Variants in ANO3 observed in about 807,000 individuals in gnomAD.
The protein encoded by ANO3 is anoctamin 3.
In ANO3, 99 loss-of-function variants were observed where a neutral mutation model predicts 144.8. That is an observed-to-expected ratio of 0.68 (90% CI 0.58 to 0.81). The LOEUF (loss-of-function observed/expected upper bound fraction) is 0.81. ANO3 is among the 30% of genes least tolerant of loss of function. ANO3 has a pLI of 0.00. For synonymous variants in ANO3, 414 were observed against 392.6 expected (o/e 1.05, Z -0.64); for missense variants, 905 against 1,202.2 (o/e 0.75, Z 3.66).
chr11:26,539,050 A>G (rs369419), intron 10 of ANO3, among the ~76,000 whole-genome samples: 2,778 of 152,034 alleles, frequency 0.018, 81 homozygotes, highest in African/African-American at 0.063. Context: ...TTTACTTACA[A>G]AAAGGACAGT....
intron 22 of ANO3, among the ~76,000 whole-genome samples, chr11:26,642,351 T>C (rs1439349120): frequency 1.2e-3 from 168 of 143,576 alleles, no homozygotes; most frequent in Non-Finnish European, 1.8e-3. Flanking sequence ...TCTTTTTTTT[T>C]TTTTTTTTTT....
chr11:26,247,114 C>A (rs569020299), intron 1 of ANO3, among the ~76,000 whole-genome samples: 107 of 152,112 alleles, frequency 7.0e-4, no homozygotes, highest in Non-Finnish European at 1.2e-3. Flanking sequence ...AAAATGATTT[C>A]TTCTGATGAA....
intron 17 of ANO3, among the ~76,000 whole-genome samples, chr11:26,600,617 A>C (rs1368634673): frequency 4.6e-3 from 244 of 53,162 alleles, no homozygotes; most frequent in Admixed American, 8.7e-3. Context: ...CCTTCTTCTC[A>C]CTCCCCCTCC....
intron 1 of ANO3, among the ~76,000 whole-genome samples, chr11:26,341,764 T>G (rs61877710): frequency 0.27 from 40,645 of 151,996 alleles, 6,419 homozygotes; most frequent in East Asian, 0.42. Flanking sequence ...AGTGCAGCCT[T>G]CAGCTAAAGG....
At chr11:26,426,903 T>A (rs1857936893) in intron 1 of ANO3, 1 of 152,330 alleles carries the variant, frequency 6.6e-6, no homozygotes, top group African/African-American at 2.4e-5. Flanking sequence ...ATTTTCGTTC[T>A]GTCCAGTGGC....
chr11:26,358,775 T>C (rs1165259347), intron 1 of ANO3, among the ~76,000 whole-genome samples: 1 of 152,086 alleles, frequency 6.6e-6, no homozygotes, highest in Non-Finnish European at 1.5e-5. Flanking sequence ...CTCATGCTCT[T>C]TTTAAAATTT....
intron 14 of ANO3, among the ~76,000 whole-genome samples, chr11:26,584,015 A>G (rs1282487736): frequency 1.3e-5 from 2 of 152,190 alleles, no homozygotes; most frequent in South Asian, 2.1e-4. Flanking sequence ...AATCAACCAT[A>G]TTAAAAGTAT....
At chr11:26,222,605 C>T (rs147732755) in intron 1 of ANO3, among the ~76,000 whole-genome samples, 7 of 152,296 alleles carry the variant, frequency 4.6e-5, no homozygotes, top group Admixed American at 2.6e-4. Context: ...AGGTTTCTGC[C>T]GGAGAATCCA....
Position 26,656,212 on chromosome 11 carries a change from A to G in ANO3, c.2657+7A>G, listed in dbSNP as rs1463162527. ...GAAAATCTGGTTATTGCAGGTACTT[A>G]TAATAGTTATCTTTCCTGCTTGCTT... On this transcript the variant is annotated splice_region_variant and intron_variant, in intron 25 of 26. Coordinates refer to ENST00000256737, the MANE Select transcript of ANO3 (RefSeq NM_031418.4). The G allele has an allele frequency of 1.9e-6, 3 of 1,607,772 alleles. No individual in the cohort carries two copies. The Admixed American group carries it at 5.0e-5, about 27-fold the overall frequency.
At chr11:26,445,159 G>A (rs142311151) in intron 3 of ANO3, among the ~76,000 whole-genome samples, 1,867 of 152,152 alleles carry the variant, frequency 0.012, 50 homozygotes, top group African/African-American at 0.042. Flanking sequence ...TTTCCATTGA[G>A]CATCATTTCA....
intron 4 of ANO3, among the ~76,000 whole-genome samples, chr11:26,500,004 A>AT (rs1197569229): frequency 1.3e-5 from 2 of 151,754 alleles, no homozygotes; most frequent in East Asian, 1.9e-4. Context: ...TGATTAATCT[A>AT]TTTTTCATCT....
rs569400629 is a variant in ANO3 at position 26,248,813 on chromosome 11, C to T, written c.154+59483C>T. ...GGACTAGTACTGGATAGGAACCATA[C>T]GCACACAGCAGGAGGTGAGCGGCAG... On this transcript the variant is annotated intron_variant, in intron 1 of 27. Transcript: ENST00000672621. Among the ~76,000 whole-genome samples, 8 of 152,256 alleles carry T rather than the reference C, an allele frequency of 5.3e-5. No individual in the cohort carries two copies. The East Asian group carries it at 5.8e-4, about 11-fold the overall frequency.
intron 14 of ANO3, among the ~76,000 whole-genome samples, chr11:26,588,764 G>T (rs1198235883): frequency 1.3e-5 from 2 of 152,114 alleles, no homozygotes; most frequent in African/African-American, 4.8e-5. Context: ...ACTGTATGTT[G>T]TACTTGCTTA....
At chr11:26,625,063 C>CAGGCAG (rs1358881693) in intron 18 of ANO3, among the ~76,000 whole-genome samples, 3 of 151,984 alleles carry the variant, frequency 2.0e-5, no homozygotes, top group Non-Finnish European at 4.4e-5. Flanking sequence ...TAGTTGGGGA[C>CAGGCAG]TACAGGCGCC....
At chr11:26,214,969 T>C (rs1852007708) in intron 1 of ANO3, among the ~76,000 whole-genome samples, 1 of 151,958 alleles carries the variant, frequency 6.6e-6, no homozygotes, top group Non-Finnish European at 1.5e-5. Flanking sequence ...ATACCCATTT[T>C]ATATTTAGAC....
At chr11:26,466,995 A>C (rs1301209122) in intron 4 of ANO3, among the ~76,000 whole-genome samples, 1 of 151,982 alleles carries the variant, frequency 6.6e-6, no homozygotes, top group Non-Finnish European at 1.5e-5. Context: ...GTATTTAAGC[A>C]ACCTATCTAA....
chr11:26,537,746 C>A (rs112475041), intron 10 of ANO3, among the ~76,000 whole-genome samples: 57 of 152,336 alleles, frequency 3.7e-4, no homozygotes, highest in African/African-American at 1.4e-3. Context: ...CAAGCTTGAT[C>A]CAACTTGAGA....
At chr11:26,556,949 G>T (rs1361576065) in intron 13 of ANO3, among the ~76,000 whole-genome samples, 1 of 152,094 alleles carries the variant, frequency 6.6e-6, no homozygotes. Flanking sequence ...AGCAACTTTA[G>T]AACAAGACCC....
At chr11:26,466,693 G>A (rs936040677) in intron 4 of ANO3, among the ~76,000 whole-genome samples, 28 of 151,888 alleles carry the variant, frequency 1.8e-4, no homozygotes, top group Admixed American at 1.1e-3. Context: ...ATGAAAAATC[G>A]CAACTGAGAC....
Sources: allele counts gnomAD v4.1 joint callset (sites outside exome capture counted in the v4.1 genomes callset), GRCh38; gene constraint gnomAD v4.1.1; transcripts MANE v1.5; gene names NCBI Gene and HGNC (gene_info 2026-07-23, HGNC 2026-07-21).